CFI: variants seen among roughly 807,000 people sequenced by gnomAD.
The protein encoded by CFI is C3B/C4B inactivator.
CFI carries 66 observed loss-of-function variants against 78.8 expected under a neutral mutation model. The observed-to-expected ratio is 0.84, with a 90% CI of 0.69 to 1.03. The LOEUF (loss-of-function observed/expected upper bound fraction) is 1.03. Ranked by LOEUF, CFI falls within the 50% of genes least tolerant of loss-of-function variation. The pLI is 0.00. For missense variants in CFI, 706 were observed against 704.5 expected, an observed-to-expected ratio of 1.00 and a Z score of -0.02; for synonymous variants, 250 against 232.6, an observed-to-expected ratio of 1.07 and a Z score of -0.68.
chr4:109,760,215 T>A, intron 6 of CFI, 55 bp downstream of exon 6: 1 of 1,269,548 alleles, frequency 7.9e-7, no homozygotes, highest in Non-Finnish European at 1.2e-6. Context: ...AAAGAAAAGT[T>A]TCAGAATCCC....
At chr4:109,784,514 T>G (rs1730501655) in intron 1 of CFI, among the ~76,000 whole-genome samples, 1 of 152,070 alleles carries the variant, frequency 6.6e-6, no homozygotes, top group Non-Finnish European at 1.5e-5. Context: ...TGACAAGTGA[T>G]TTAAAGAGAT....
chr4:109,774,504 G>A lies in CFI; in HGVS notation c.58-7680C>T, dbSNP rs565247613. Among the ~76,000 whole-genome samples the A allele has an allele frequency of 5.6e-4, 86 of 152,268 alleles. 1 individual carries two copies. The highest frequency in any genetic ancestry group is 2.0e-3 in the African/African-American group (84 of 41,552). ...TGTATGTGGTACATTCTTGGTCAAAGGGGCCAGTGTGGGTGGATGGGAATA... is the reference window on the plus strand; with the variant it reads ...TGTATGTGGTACATTCTTGGTCAAAAGGGCCAGTGTGGGTGGATGGGAATA... On this transcript the variant is annotated intron_variant, in intron 1 of 12. Coordinates refer to ENST00000394634, the MANE Select transcript of CFI (RefSeq NM_000204.5).
At chr4:109,748,799 T>C (rs888630750) in intron 10 of CFI, among the ~76,000 whole-genome samples, 4 of 152,132 alleles carry the variant, frequency 2.6e-5, no homozygotes, top group African/African-American at 9.7e-5. Flanking sequence ...TCAATTCTTA[T>C]CCTAAGAGGA....
chr4:109,767,608 C>T (rs75922955), intron 1 of CFI, among the ~76,000 whole-genome samples: 94,404 of 148,712 alleles, frequency 0.63, 31,271 homozygotes, highest in South Asian at 0.75. Context: ...GTTAGAATGG[C>T]GATCATTAAA....
rs10856999 is a variant in CFI at position 109,764,898 on chromosome 4, A to C, written c.329-208T>G. Among the ~76,000 whole-genome samples, 147,828 of 152,244 alleles carry C rather than the reference A, an allele frequency of 0.97. 71,914 individuals carry two copies. Among genetic ancestry groups the C allele is most frequent in the East Asian group, 1 (5,178 of 5,178 alleles). On this transcript the variant is annotated intron_variant, in intron 2 of 12. Coordinates refer to ENST00000394634, the MANE Select transcript of CFI (RefSeq NM_000204.5). ...TCAGCTGTATAGAGGATCATTAAAT[A>C]CTCACATCAACCCTATGAGGATAAA...
At chr4:109,741,356 G>A (rs1427163341) in intron 12 of CFI, 21 of 985,216 alleles carry the variant, frequency 2.1e-5, no homozygotes, top group East Asian at 1.1e-4. Flanking sequence ...TACTTTATAC[G>A]ACTGAGTACT....
downstream of CFI, among the ~76,000 whole-genome samples, chr4:109,737,048 G>T (rs1050853206): frequency 6.6e-6 from 1 of 152,102 alleles, no homozygotes; most frequent in African/African-American, 2.4e-5. Context: ...TCTAGAGTCA[G>T]TGCCATCCTT....
At chr4:109,783,812 GATATATATATATATAT>G in intron 1 of CFI, among the ~76,000 whole-genome samples, 1 of 113,038 alleles carries the variant, frequency 8.8e-6, no homozygotes, top group Admixed American at 1.0e-4. Flanking sequence ...AAGAAACTGT[GATATATATATATATAT>G]ATATATGATG....
At chr4:109,783,075 C>T (rs1730267318) in intron 1 of CFI, among the ~76,000 whole-genome samples, 1 of 152,146 alleles carries the variant, frequency 6.6e-6, no homozygotes, top group African/African-American at 2.4e-5. Flanking sequence ...TATAAAAATT[C>T]TAGAAGATAA....
chr4:109,742,468 T>C (rs1723920026), intron 12 of CFI, 23 bp downstream of exon 12: 1 of 1,452,992 alleles, frequency 6.9e-7, no homozygotes, highest in African/African-American at 1.4e-5. Flanking sequence ...CTTGACATCT[T>C]GGATAAACCA....
At chr4:109,748,915 C>A (rs1268367487) in intron 10 of CFI, among the ~76,000 whole-genome samples, 1 of 152,142 alleles carries the variant, frequency 6.6e-6, no homozygotes, top group Non-Finnish European at 1.5e-5. Flanking sequence ...CAGTGGAGAA[C>A]AAAATGTAAG....
intron 6 of CFI, among the ~76,000 whole-genome samples, chr4:109,758,997 G>A (rs1329054791): frequency 3.3e-5 from 5 of 152,214 alleles, no homozygotes; most frequent in African/African-American, 9.6e-5. Context: ...GGAGGCTGAG[G>A]TGGGAGAATC....
At chr4:109,737,042 G>A (rs1723412215), downstream of CFI, among the ~76,000 whole-genome samples, 1 of 152,116 alleles carries the variant, frequency 6.6e-6, no homozygotes, top group African/African-American at 2.4e-5. Context: ...AACATATCTA[G>A]AGTCAGTGCC....
At chr4:109,753,664 GTATAATTTTATATTATAT>G (rs1725684395) in intron 7 of CFI, among the ~76,000 whole-genome samples, 1 of 97,790 alleles carries the variant, frequency 1.0e-5, no homozygotes, top group African/African-American at 4.4e-5. Flanking sequence ...ATTATATAAT[GTATAATTTTATATTATAT>G]ATTATATAAT....
At position 109,760,364 on chromosome 4, in the gene CFI, G is replaced by T. The variant is rs567112713; in HGVS notation, c.789C>A (p.Gly263=). Reference sequence around the variant, plus strand: ...TGCAAACACCCGATTTGCAATGGAAGCCTTTGCCTTGGCATGCTGTGCAAA... The same window carrying T: ...TGCAAACACCCGATTTGCAATGGAATCCTTTGCCTTGGCATGCTGTGCAAA... ...ELCCKACQGK[G]FHCKSGVCIP... Residue 263 remains glycine, a synonymous_variant, in exon 6 of 13, where the codon GGC becomes GGA. Transcript: ENST00000394634. The T allele has an allele frequency of 2.5e-6, 4 of 1,613,412 alleles. No homozygotes were observed. The East Asian group carries it at 8.9e-5, about 36-fold the overall frequency.
the CFI span, among the ~76,000 whole-genome samples, chr4:109,735,007 G>A: frequency 6.6e-6 from 1 of 152,114 alleles, no homozygotes; most frequent in East Asian, 1.9e-4. Context: ...CCCAGGTGGG[G>A]GTAGCATGAT....
chr4:109,798,508 GTTTT>G (rs35617864), intron 1 of CFI, among the ~76,000 whole-genome samples: 4 of 74,792 alleles, frequency 5.3e-5, no homozygotes, highest in South Asian at 4.0e-4. Context: ...TCAATAAAGT[GTTTT>G]TTTTTTTTAA....
chr4:109,780,171 C>G (rs896586220), intron 1 of CFI, among the ~76,000 whole-genome samples: 1 of 152,038 alleles, frequency 6.6e-6, no homozygotes, highest in African/African-American at 2.4e-5. Context: ...TAAAGAGCTT[C>G]TGCACAGGAA....
Position 109,777,889 on chromosome 4 carries a change from A to G in CFI, c.58-11065T>C, listed in dbSNP as rs1276986942. Reference sequence around the variant, plus strand: ...ACCTGCTCCCGAATGACTACTGGGTACATAACGAAATGAAGGCAGAAATAA... The same window carrying G: ...ACCTGCTCCCGAATGACTACTGGGTGCATAACGAAATGAAGGCAGAAATAA... On this transcript the variant is annotated intron_variant, in intron 1 of 12. Transcript: ENST00000394634. Among the ~76,000 whole-genome samples, 3 of 152,208 alleles carry G rather than the reference A, an allele frequency of 2.0e-5. No individual in the cohort carries two copies. In the East Asian group the frequency reaches 5.8e-4, roughly 29 times the overall value.
Sources: gnomAD v4.1 joint callset for allele counts (sites outside exome capture counted in the v4.1 genomes callset) on GRCh38, gnomAD v4.1.1 for gene constraint, MANE v1.5 for transcripts, NCBI Gene and HGNC (gene_info 2026-07-23, HGNC 2026-07-21) for gene names.